GPRC6A: variants seen among roughly 807,000 people sequenced by gnomAD.
GPRC6A encodes G protein-coupled receptor family C group 6 member A.
In GPRC6A, 54 loss-of-function variants were observed where a neutral mutation model predicts 47.0. The observed-to-expected ratio is 1.15, with a 90% confidence interval of 0.92 to 1.44. The LOEUF is 1.44. Ranked by LOEUF, GPRC6A falls within the 40% of genes most tolerant of loss-of-function variation. The pLI, the probability that GPRC6A is intolerant of heterozygous loss-of-function variation, is 0.00. For missense variants in GPRC6A, 1,112 were observed against 1,105.5 expected (o/e 1.01, Z -0.08); for synonymous variants, 347 against 377.1 (o/e 0.92, Z 0.93).
chr6:116,808,623 G>C (rs745528013), intron 2 of GPRC6A, among the ~76,000 whole-genome samples: 1 of 151,902 alleles, frequency 6.6e-6, no homozygotes, highest in African/African-American at 2.4e-5. Flanking sequence ...TATATTTTCT[G>C]TCTGCTCACT....
chr6:116,815,581 C>T (rs1037435249), intron 1 of GPRC6A, among the ~76,000 whole-genome samples: 1 of 152,170 alleles, frequency 6.6e-6, no homozygotes, highest in Non-Finnish European at 1.5e-5. Flanking sequence ...CTTCTCAGTG[C>T]ATGGAACATT....
At position 116,820,948 on chromosome 6, in the gene GPRC6A, A is replaced by G. The variant is rs1333370651; in HGVS notation, c.194+7872T>C. Among the ~76,000 whole-genome samples the G allele has an allele frequency of 1.4e-4, 21 of 152,266 alleles. No individual in the cohort carries two copies. In the East Asian group the frequency reaches 3.3e-3, roughly 24 times the overall value. On this transcript the variant is annotated intron_variant, in intron 1 of 5. Transcript: ENST00000310357. ...CTGTTTGCAGATGACATGATTGTATATCTAGAAAACCCCATTGTCTAAGCC... is the reference window on the plus strand; with the variant it reads ...CTGTTTGCAGATGACATGATTGTATGTCTAGAAAACCCCATTGTCTAAGCC...
At chr6:116,797,585 T>C (rs940592727) in intron 4 of GPRC6A, among the ~76,000 whole-genome samples, 35 of 152,186 alleles carry the variant, frequency 2.3e-4, no homozygotes, top group African/African-American at 8.2e-4. Context: ...TCTCTGTTTG[T>C]AGTGGTCAGC....
At chr6:116,803,368 C>T (rs1772736940) in intron 3 of GPRC6A, among the ~76,000 whole-genome samples, 1 of 152,088 alleles carries the variant, frequency 6.6e-6, no homozygotes, top group South Asian at 2.1e-4. Context: ...TATCACTCTT[C>T]TGCCTGAAAA....
chr6:116,819,666 C>T (rs1773384306), intron 1 of GPRC6A, among the ~76,000 whole-genome samples: 1 of 152,084 alleles, frequency 6.6e-6, no homozygotes, highest in African/African-American at 2.4e-5. Flanking sequence ...CCAACAAGAA[C>T]AAAGACACAA....
intron 1 of GPRC6A, among the ~76,000 whole-genome samples, chr6:116,809,890 G>A (rs988723050): frequency 6.6e-6 from 1 of 152,114 alleles, no homozygotes; most frequent in African/African-American, 2.4e-5. Flanking sequence ...ATATGAAGAT[G>A]TGTTTGATTT....
chr6:116,821,888 C>T (rs1213308793), intron 1 of GPRC6A, among the ~76,000 whole-genome samples: 2 of 150,334 alleles, frequency 1.3e-5, no homozygotes, highest in Admixed American at 6.6e-5. Context: ...AGAGCTTCTG[C>T]ACAGCAAAAG....
chr6:116,798,907 A>C (rs910797678), intron 4 of GPRC6A, among the ~76,000 whole-genome samples: 2 of 151,858 alleles, frequency 1.3e-5, no homozygotes, highest in African/African-American at 4.8e-5. Flanking sequence ...AAAAAGAAAC[A>C]GACCAAAGGA....
At chr6:116,797,918 T>A (rs1441641404) in intron 4 of GPRC6A, among the ~76,000 whole-genome samples, 1 of 152,208 alleles carries the variant, frequency 6.6e-6, no homozygotes, top group Non-Finnish European at 1.5e-5. Flanking sequence ...GGAAGAAGTA[T>A]CTTGCTTTAC....
At chr6:116,828,524 T>C (rs1378883086) in intron 1 of GPRC6A, among the ~76,000 whole-genome samples, 2 of 152,046 alleles carry the variant, frequency 1.3e-5, no homozygotes, top group African/African-American at 4.8e-5. Flanking sequence ...TAGTGAAAAA[T>C]AGGCCACAAT....
intron 5 of GPRC6A, among the ~76,000 whole-genome samples, chr6:116,794,110 C>G (rs951438221): frequency 1.3e-5 from 2 of 152,128 alleles, no homozygotes; most frequent in Admixed American, 1.3e-4. Context: ...TTCCAGCCAC[C>G]CAAAGTTGGT....
chr6:116,823,723 G>C (rs763282556), intron 1 of GPRC6A, among the ~76,000 whole-genome samples: 2 of 152,002 alleles, frequency 1.3e-5, no homozygotes, highest in Non-Finnish European at 2.9e-5. Flanking sequence ...AGGTTTAATT[G>C]GCTCATGGAT....
At chr6:116,793,571 A>G (rs1209183997) in intron 5 of GPRC6A, among the ~76,000 whole-genome samples, 2 of 152,220 alleles carry the variant, frequency 1.3e-5, no homozygotes, top group African/African-American at 4.8e-5. Context: ...TGATGGTTCC[A>G]GCACTCTTAA....
At chr6:116,814,282 C>G (rs563890011) in intron 1 of GPRC6A, among the ~76,000 whole-genome samples, 10 of 152,260 alleles carry the variant, frequency 6.6e-5, no homozygotes, top group Admixed American at 3.3e-4. Context: ...ATAAATCATG[C>G]TACTATAAAG....
chr6:116,799,455 T>C (rs2114584101), intron 4 of GPRC6A, among the ~76,000 whole-genome samples: 1 of 152,182 alleles, frequency 6.6e-6, no homozygotes, highest in South Asian at 2.1e-4. Flanking sequence ...ATCAAGGAAA[T>C]GTAGTGTCAT....
In GPRC6A at chr6:116,809,580, T is replaced by A; in HGVS notation, c.232A>T (p.Ile78Leu). ...ISVFLQTLAM[I>L]HSIEMINNST... ...TTGTTGATCATCTCAATGCTGTGTA[T>A]CATGGCAAGAGTTTGAAGAAAAACT... is the stretch of plus-strand genomic sequence containing the variant. The change falls in exon 2 of 6, where the codon ATA (isoleucine) becomes TTA (leucine). Residue 78 changes from isoleucine to leucine, a missense_variant. Physicochemically the swap from Ile to Leu is conservative, Grantham distance 5. Transcript: ENST00000310357. 2 of 1,611,836 alleles carry A rather than the reference T, an allele frequency of 1.2e-6. No individual in the cohort carries two copies. Among genetic ancestry groups the A allele is most frequent in the East Asian group, 2.2e-5 (1 of 44,848 alleles).
intron 1 of GPRC6A, among the ~76,000 whole-genome samples, chr6:116,827,442 A>T (rs1190157893): frequency 6.6e-6 from 1 of 152,070 alleles, no homozygotes; most frequent in African/African-American, 2.4e-5. Context: ...AAGCTCCATT[A>T]GAGTTGGAAC....
intron 4 of GPRC6A, 55 bp downstream of exon 4, chr6:116,800,529 G>C: frequency 9.2e-7 from 1 of 1,085,740 alleles, no homozygotes; most frequent in Admixed American, 1.7e-5. Context: ...AAGGACTTTT[G>C]CAGTTGAGGT....
At chr6:116,826,535 C>CAAAAA (rs1033925429) in intron 1 of GPRC6A, among the ~76,000 whole-genome samples, 3 of 151,428 alleles carry the variant, frequency 2.0e-5, no homozygotes, top group Non-Finnish European at 4.4e-5. Flanking sequence ...AAAAACAAAA[C>CAAAAA]AAAAACAAAA....
Sources: allele counts gnomAD v4.1 joint callset (sites outside exome capture counted in the v4.1 genomes callset), GRCh38; gene constraint gnomAD v4.1.1; transcripts MANE v1.5; gene names NCBI Gene and HGNC (gene_info 2026-07-23, HGNC 2026-07-21).